MROH1: variants seen among roughly 807,000 people sequenced by gnomAD.
MROH1 encodes maestro heat-like repeat-containing protein family member 1.
MROH1 carries 117 observed loss-of-function variants against 116.5 expected under a neutral mutation model. The observed-to-expected ratio is 1.00, with a 90% CI of 0.86 to 1.17. MROH1 has a LOEUF of 1.17. MROH1 is among the 50% of genes most tolerant of loss of function. MROH1 has a pLI of 0.00. For missense variants in MROH1, 1,873 were observed against 1,338.5 expected (o/e 1.40, Z -6.23); for synonymous variants, 921 against 583.9 (o/e 1.58, Z -8.32).
chr8:144,216,980 G>A (rs930061876), intron 12 of MROH1, among the ~76,000 whole-genome samples: 18 of 152,108 alleles, frequency 1.2e-4, no homozygotes, highest in African/African-American at 2.9e-4. Flanking sequence ...GAGCCATCGC[G>A]CCTGGCCTAT....
At chr8:144,162,074 TTTTTC>T (rs1380472467) in intron 2 of MROH1, among the ~76,000 whole-genome samples, 1 of 151,154 alleles carries the variant, frequency 6.6e-6, no homozygotes, top group Admixed American at 6.6e-5. Flanking sequence ...TGTTTTTTTG[TTTTTC>T]TTTTCTTTTT....
intron 14 of MROH1, among the ~76,000 whole-genome samples, chr8:144,233,510 C>CT (rs1554823570): frequency 6.7e-6 from 1 of 149,412 alleles, no homozygotes; most frequent in Non-Finnish European, 1.5e-5. Flanking sequence ...TCCACCTTCT[C>CT]TCTCCCGCAG....
At chr8:144,251,924 G>T in intron 33 of MROH1, 1 of 202,978 alleles carries the variant, frequency 4.9e-6, no homozygotes, top group East Asian at 1.7e-4. Flanking sequence ...CAGCAGTGCT[G>T]CTGCCCATCC....
chr8:144,232,537 G>A (rs1266288323), intron 14 of MROH1, among the ~76,000 whole-genome samples: 3 of 150,650 alleles, frequency 2.0e-5, no homozygotes, highest in Admixed American at 6.6e-5. Flanking sequence ...TCTGTCCCCC[G>A]GGCTGGAGTG....
chr8:144,220,584 T>G lies in MROH1; in HGVS notation c.1142-16T>G. On this transcript the variant is annotated splice_polypyrimidine_tract_variant and intron_variant, in intron 12 of 43. Coordinates refer to ENST00000326134, the MANE Select transcript of MROH1 (RefSeq NM_032450.3). ...ATCTCAGTGGTAGGCTGAGCTGTCCTGTTTGTTTCTTGCAGCTGCTCAGAT... is the reference window on the plus strand; with the variant it reads ...ATCTCAGTGGTAGGCTGAGCTGTCCGGTTTGTTTCTTGCAGCTGCTCAGAT... 6.4e-7 allele frequency: 1 copy of G among 1,563,158 alleles called. No homozygotes were observed. The highest frequency in any genetic ancestry group is 8.7e-7 in the Non-Finnish European group (1 of 1,153,588).
chr8:144,200,275 C>T (rs1225526739), intron 11 of MROH1, among the ~76,000 whole-genome samples, 153 bp from the exon 12 acceptor site: 1 of 152,174 alleles, frequency 6.6e-6, no homozygotes, highest in African/African-American at 2.4e-5. Context: ...ACAGGGGCAT[C>T]GGAGCCAGGC....
At chr8:144,151,774 C>T (rs1816856583) in intron 1 of MROH1, among the ~76,000 whole-genome samples, 2 of 152,340 alleles carry the variant, frequency 1.3e-5, no homozygotes, top group African/African-American at 4.8e-5. Context: ...GATACAGCCT[C>T]CCGTCTCTGT....
chr8:144,192,164 G>A, intron 9 of MROH1, 145 bp from the exon 10 acceptor site: 2 of 720,344 alleles, frequency 2.8e-6, no homozygotes, highest in South Asian at 3.7e-5. Context: ...GTAGACGAAA[G>A]GCCTCCTCAT....
intron 35 of MROH1, among the ~76,000 whole-genome samples, chr8:144,257,230 C>T (rs1281129833): frequency 6.6e-6 from 1 of 152,204 alleles, no homozygotes; most frequent in Admixed American, 6.5e-5. Context: ...CATGGGACTC[C>T]AGGCTTTTCC....
chr8:144,243,287 G>A (rs1053603575), intron 24 of MROH1, among the ~76,000 whole-genome samples: 6 of 152,266 alleles, frequency 3.9e-5, no homozygotes, highest in Admixed American at 2.6e-4. Flanking sequence ...TCTGTGGCCT[G>A]TCTTCTCTGG....
chr8:144,189,265 C>G (rs375370650), intron 7 of MROH1, among the ~76,000 whole-genome samples: 103 of 152,184 alleles, frequency 6.8e-4, no homozygotes, highest in African/African-American at 2.3e-3. Context: ...GTGGGTGCAT[C>G]CTTTCAGGGC....
rs1326966387 is a variant in MROH1 at position 144,259,265 on chromosome 8, C to T, written c.3955C>T (p.Arg1319Ter). 8 of 714,482 alleles carry T rather than the reference C, an allele frequency of 1.1e-5. No homozygotes were observed. Among genetic ancestry groups the T allele is most frequent in the Non-Finnish European group, 2.1e-5 (8 of 384,874 alleles). 44.3% of individuals were successfully genotyped at this position (714,482 alleles called of 1,614,324 possible). A position where few individuals can be genotyped will look rare whatever the true frequency, so the allele number is the denominator to read the frequency against. ...GGCCATGGCTGAGCACGCAGGGCCC[C>T]GACTCCCCCTGGTGCTGAAGACGCT... ...ARAMAEHAGPRLPLVLKTLAC... is the reference protein window; with the variant it reads ...ARAMAEHAGP The change falls in exon 37 of 44, where the codon CGA (arginine) becomes TGA (stop). Residue 1319 changes from arginine (R) to a stop codon, truncating the protein, a stop_gained. Transcript: ENST00000326134. LOFTEE classifies it high-confidence loss of function.
chr8:144,226,672 C>T (rs1423618693), intron 14 of MROH1, among the ~76,000 whole-genome samples: 1 of 152,116 alleles, frequency 6.6e-6, no homozygotes, highest in Non-Finnish European at 1.5e-5. Context: ...AGGCTGGTCT[C>T]AAACTCCTGG....
Position 144,192,975 on chromosome 8 carries a change from C to A in MROH1, c.948+574C>A, listed in dbSNP as rs572104106. The A allele has an allele frequency of 1.2e-4, 29 of 233,120 alleles. No homozygotes were observed. In the South Asian group the frequency reaches 1.4e-3, roughly 11 times the overall value. 14.4% of individuals were successfully genotyped at this position (233,120 alleles called of 1,614,324 possible). A position where few individuals can be genotyped will look rare whatever the true frequency, so the allele number is the denominator to read the frequency against. ...CTTTCTGGATGAGAGAGGAGAGGGG[C>A]AGGGAGCTAGAGAGGGTGGTGTGGT... On this transcript the variant is annotated intron_variant, in intron 10 of 43. Transcript: ENST00000326134.
chr8:144,158,982 A>G lies in MROH1; in HGVS notation c.-176-1988A>G, dbSNP rs577038158. On this transcript the variant is annotated intron_variant, in intron 1 of 43. Coordinates refer to ENST00000326134, the MANE Select transcript of MROH1 (RefSeq NM_032450.3). ...TTGAACTCCTGAGCTCAAGCATTCA[A>G]ACTGCCTCGTAGCCTCCCAAAGTGC... 5.3e-5 allele frequency among the ~76,000 whole-genome samples: 8 copies of G among 152,142 alleles called. No homozygotes were observed. The South Asian group carries it at 1.7e-3, about 32-fold the overall frequency.
In MROH1 at chr8:144,234,102, C is replaced by T. The variant is rs564355370; in HGVS notation, c.1339-4654C>T. 1.6e-3 allele frequency among the ~76,000 whole-genome samples: 247 copies of T among 151,890 alleles called. 1 individual carries two copies. Among genetic ancestry groups the T allele is most frequent in the African/African-American group, 3.6e-3 (150 of 41,404 alleles). ...TCGGCTCACTGCAAGCTCTGCCTCC[C>T]GGGTTCACGCCATTCTCCTGCCTCA... On this transcript the variant is annotated intron_variant, in intron 14 of 43. Coordinates refer to ENST00000326134, the MANE Select transcript of MROH1 (RefSeq NM_032450.3).
At chr8:144,238,636 T>C in intron 14 of MROH1, 120 bp from the exon 15 acceptor site, 1 of 682,272 alleles carries the variant, frequency 1.5e-6, no homozygotes, top group South Asian at 1.5e-5. Flanking sequence ...TGGCAGGTGG[T>C]GCACATGTCT....
At chr8:144,240,443 GC>G (rs1840772691) in intron 19 of MROH1, 126 bp from the exon 20 acceptor site, 6 of 695,144 alleles carry the variant, frequency 8.6e-6, no homozygotes, top group Admixed American at 4.0e-5. Context: ...TGGCTCTGCC[GC>G]CCCCGGCCTC....
intron 12 of MROH1, among the ~76,000 whole-genome samples, chr8:144,211,806 G>A (rs1030569704): frequency 4.3e-4 from 66 of 152,206 alleles, no homozygotes; most frequent in African/African-American, 1.4e-3. Flanking sequence ...TCAAGGTAGT[G>A]GATTGGTTTC....
Sources: gnomAD v4.1 joint callset for allele counts (sites outside exome capture counted in the v4.1 genomes callset) on GRCh38, gnomAD v4.1.1 for gene constraint, MANE v1.5 for transcripts, NCBI Gene and HGNC (gene_info 2026-07-23, HGNC 2026-07-21) for gene names.